GLIS3: variants seen among roughly 807,000 people sequenced by gnomAD.
The protein encoded by GLIS3 is zinc finger protein GLIS3.
GLIS3 carries 53 observed loss-of-function variants against 78.6 expected under a neutral mutation model. The ratio of observed to expected loss-of-function variants is 0.67; its 90% CI spans 0.54 to 0.85. The LOEUF (loss-of-function observed/expected upper bound fraction) is 0.85. Among genes scored for constraint, GLIS3 ranks in the 40% least tolerant of loss-of-function variants. The pLI is 0.00. For missense variants in GLIS3, 1,703 were observed against 1,231.1 expected (o/e 1.38, Z -5.74); for synonymous variants, 684 against 509.9 (o/e 1.34, Z -4.60).
At chr9:4,478,158 A>G in the GLIS3 span, among the ~76,000 whole-genome samples, 1 of 152,170 alleles carries the variant, frequency 6.6e-6, no homozygotes, top group Non-Finnish European at 1.5e-5. Flanking sequence ...TATTGAAACA[A>G]GTGGTTGTTT....
intron 4 of GLIS3, chr9:4,035,910 C>G (rs1480238332): frequency 1.3e-5 from 2 of 152,424 alleles, no homozygotes; most frequent in African/African-American, 4.8e-5. Context: ...TCCATTTACT[C>G]AAGGCTCACT....
chr9:4,117,821 T>C lies in GLIS3; in HGVS notation c.1657A>G (p.Lys553Glu). Residue 553 changes from lysine (K) to glutamate (E), a missense_variant, in exon 4 of 11, where the codon AAA becomes GAA. Transcript: ENST00000381971. ...RRYKPFNARY[K>E]LLIHMRVHSG... ...TGGACTCTCATGTGGATCAGCAGTTTATAGCGGGCGTTGAAGGGCTTGTAT... is the reference window on the plus strand; with the variant it reads ...TGGACTCTCATGTGGATCAGCAGTTCATAGCGGGCGTTGAAGGGCTTGTAT... 1.2e-6 allele frequency: 2 copies of C among 1,614,182 alleles called. No homozygotes were observed. Among genetic ancestry groups the C allele is most frequent in the Non-Finnish European group, 8.5e-7 (1 of 1,180,024 alleles).
intron 2 of GLIS3, among the ~76,000 whole-genome samples, chr9:4,260,007 G>C (rs748254306): frequency 2.0e-5 from 3 of 152,158 alleles, no homozygotes; most frequent in Non-Finnish European, 4.4e-5. Context: ...TTAAGCAAGG[G>C]AGATGGAAAC....
intron 6 of GLIS3, among the ~76,000 whole-genome samples, chr9:3,911,794 C>A (rs1389023686): frequency 6.6e-6 from 1 of 152,142 alleles, no homozygotes; most frequent in Non-Finnish European, 1.5e-5. Context: ...TTCACCAATA[C>A]CTGATATATA....
At chr9:3,930,621 A>G (rs965653790) in intron 6 of GLIS3, among the ~76,000 whole-genome samples, 1 of 152,200 alleles carries the variant, frequency 6.6e-6, no homozygotes, top group African/African-American at 2.4e-5. Context: ...CTGTCATCCT[A>G]GGTTACCTTC....
chr9:4,486,624 A>G, the GLIS3 span, among the ~76,000 whole-genome samples: 1 of 152,174 alleles, frequency 6.6e-6, no homozygotes, highest in African/African-American at 2.4e-5. Flanking sequence ...CTTTTCTCCT[A>G]TTAATAAATC....
At chr9:3,847,262 C>G (rs564828795) in intron 9 of GLIS3, among the ~76,000 whole-genome samples, 1 of 151,420 alleles carries the variant, frequency 6.6e-6, no homozygotes, top group African/African-American at 2.4e-5. Context: ...CAGGAAGTGC[C>G]CAGAGAAAAG....
At chr9:4,445,683 G>A in the GLIS3 span, among the ~76,000 whole-genome samples, 3 of 152,256 alleles carry the variant, frequency 2.0e-5, no homozygotes, top group South Asian at 2.1e-4. Context: ...TTTAAGGGCT[G>A]AGAAAACTGA....
At chr9:4,387,745 A>G in the GLIS3 span, among the ~76,000 whole-genome samples, 1 of 152,160 alleles carries the variant, frequency 6.6e-6, no homozygotes, top group African/African-American at 2.4e-5. Flanking sequence ...CATTTGATGT[A>G]TTTCCCCATA....
chr9:4,448,540 G>C, the GLIS3 span, among the ~76,000 whole-genome samples: 1 of 152,180 alleles, frequency 6.6e-6, no homozygotes, highest in Non-Finnish European at 1.5e-5. Context: ...GCACATTGTT[G>C]TTGTCATTAT....
intron 2 of GLIS3, among the ~76,000 whole-genome samples, chr9:4,205,760 CTG>C (rs1242250350): frequency 6.6e-6 from 1 of 152,198 alleles, no homozygotes; most frequent in Non-Finnish European, 1.5e-5. Flanking sequence ...CCAGTTAAAA[CTG>C]TTCCAACAAG....
chr9:4,174,583 C>G (rs965395075), intron 2 of GLIS3, among the ~76,000 whole-genome samples: 1 of 152,206 alleles, frequency 6.6e-6, no homozygotes, highest in Non-Finnish European at 1.5e-5. Flanking sequence ...ATCTAACTGA[C>G]ATTTTTACAA....
At chr9:4,020,674 C>G (rs1267280250) in intron 4 of GLIS3, among the ~76,000 whole-genome samples, 1 of 152,218 alleles carries the variant, frequency 6.6e-6, no homozygotes, top group Non-Finnish European at 1.5e-5. Context: ...AAAGCCTGAG[C>G]TTCCAGCTAT....
In GLIS3 at chr9:3,984,422, C is replaced by T. The variant is rs1819557234; in HGVS notation, c.1711-47233G>A. ...ATCATTTTGGAGCTCTAAGATTTGA[C>T]TGCCCCGCTGGATTTGGGAATTGCA... On this transcript the variant is annotated intron_variant, in intron 4 of 10. Transcript: ENST00000381971. 2.0e-5 allele frequency among the ~76,000 whole-genome samples: 3 copies of T among 152,236 alleles called. No individual in the cohort carries two copies. In the East Asian group the frequency reaches 5.8e-4, roughly 29 times the overall value.
the GLIS3 span, among the ~76,000 whole-genome samples, chr9:4,434,521 G>C: frequency 6.6e-6 from 1 of 152,176 alleles, no homozygotes; most frequent in African/African-American, 2.4e-5. Flanking sequence ...GAAACCAGCA[G>C]ATACCCAAAG....
chr9:4,074,231 C>G (rs530966288), intron 4 of GLIS3, among the ~76,000 whole-genome samples: 99 of 152,226 alleles, frequency 6.5e-4, no homozygotes, highest in African/African-American at 1.8e-3. Flanking sequence ...CAGGGTGGGT[C>G]CCCAAACCAT....
intron 5 of GLIS3, among the ~76,000 whole-genome samples, chr9:3,935,262 G>A (rs1249606616): frequency 1.3e-5 from 2 of 151,936 alleles, no homozygotes; most frequent in African/African-American, 4.8e-5. Context: ...GTTAAATGCA[G>A]TAAAAAATTT....
intron 2 of GLIS3, among the ~76,000 whole-genome samples, chr9:4,266,456 A>G (rs887470510): frequency 3.3e-5 from 5 of 152,162 alleles, no homozygotes; most frequent in African/African-American, 1.2e-4. Context: ...CAGAGATGCA[A>G]TAGTGACTTT....
intron 1 of GLIS3, among the ~76,000 whole-genome samples, chr9:4,293,747 CTT>C (rs1816230050): frequency 6.6e-6 from 1 of 152,224 alleles, no homozygotes; most frequent in African/African-American, 2.4e-5. Flanking sequence ...AGTCTGATCT[CTT>C]TATCATGGAG....
Sources: gnomAD v4.1 joint callset for allele counts (sites outside exome capture counted in the v4.1 genomes callset) on GRCh38, gnomAD v4.1.1 for gene constraint, MANE v1.5 for transcripts, NCBI Gene and HGNC (gene_info 2026-07-23, HGNC 2026-07-21) for gene names.